Variants in GARNL3 observed in about 807,000 individuals in gnomAD.
The protein encoded by GARNL3 is GTPase activating Rap/RanGAP domain like 3.
In GARNL3, 63 loss-of-function variants were observed where a neutral mutation model predicts 125.0. The observed-to-expected ratio is 0.50, with a 90% CI of 0.41 to 0.62. The LOEUF is 0.62. Among genes scored for constraint, GARNL3 ranks in the 20% least tolerant of loss-of-function variants. The probability of loss-of-function intolerance (pLI) is 0.00; values close to 1 mark genes in which losing one functional copy is unlikely to be tolerated. For missense variants in GARNL3, 994 were observed against 1,244.0 expected (o/e 0.80, Z 3.02); for synonymous variants, 439 against 457.5 (o/e 0.96, Z 0.52).
chr9:127,247,032 G>C (rs1588680376), intron 2 of GARNL3, among the ~76,000 whole-genome samples: 1 of 151,374 alleles, frequency 6.6e-6, no homozygotes, highest in Non-Finnish European at 1.5e-5. Context: ...ACAAAGCAGG[G>C]ACACTCTTTC....
intron 2 of GARNL3, among the ~76,000 whole-genome samples, chr9:127,299,309 A>G (rs2064708798): frequency 2.9e-5 from 1 of 34,574 alleles, no homozygotes; most frequent in African/African-American, 3.6e-4. Flanking sequence ...CTCCGTCTCA[A>G]AAAAAAAAAA....
At chr9:127,344,413 C>A in intron 15 of GARNL3, 74 bp downstream of exon 15, 1 of 990,302 alleles carries the variant, frequency 1.0e-6, no homozygotes, top group Non-Finnish European at 1.6e-6. Context: ...GGCCCATGTG[C>A]AAAGACTTTG....
Position 127,331,720 on chromosome 9 carries a change from C to CTTTTTTTTTTTTTTTTTTTTTTTT in GARNL3, c.595-539_595-538insTTTTTTTTTTTTTTTTTTTTTTTT, listed in dbSNP as rs60448026. 8.3e-4 allele frequency among the ~76,000 whole-genome samples: 62 copies of CTTTTTTTTTTTTTTTTTTTTTTTT among 74,400 alleles called. 6 individuals are homozygous for CTTTTTTTTTTTTTTTTTTTTTTTT. The East Asian group carries it at 0.011, about 14-fold the overall frequency. 48.8% of individuals were successfully genotyped at this position (74,400 alleles called of 152,430 possible). ...CTACTGCTTGCTTGGCTTGGGCTTG[C>CTTTTTTTTTTTTTTTTTTTTTTTT]TTTTTTTTTTTTTTTCACATCTGTT... On this transcript the variant is annotated intron_variant, in intron 7 of 27. Transcript: ENST00000373387.
At chr9:127,370,264 A>G (rs1375319202) in intron 22 of GARNL3, among the ~76,000 whole-genome samples, 5 of 152,296 alleles carry the variant, frequency 3.3e-5, no homozygotes, top group East Asian at 1.9e-4. Flanking sequence ...CCTGCCCCGC[A>G]GCACAGGCCT....
chr9:127,326,321 G>T (rs1481730440), intron 7 of GARNL3, among the ~76,000 whole-genome samples: 1 of 152,152 alleles, frequency 6.6e-6, no homozygotes, highest in East Asian at 1.9e-4. Context: ...CTTTAATTTT[G>T]TGTTCCCAGA....
At chr9:127,313,615 C>T in intron 4 of GARNL3, 56 bp downstream of exon 4, 4 of 1,128,956 alleles carry the variant, frequency 3.5e-6, no homozygotes, top group South Asian at 2.5e-5. Flanking sequence ...CAGGAGATAA[C>T]CCCTGTGCTG....
chr9:127,281,409 C>T (rs935644971), intron 1 of GARNL3, among the ~76,000 whole-genome samples: 18 of 152,124 alleles, frequency 1.2e-4, no homozygotes, highest in African/African-American at 4.3e-4. Context: ...GAGTCCAGAT[C>T]CAGGGCCTTG....
At chr9:127,293,265 A>C (rs761807409) in intron 2 of GARNL3, among the ~76,000 whole-genome samples, 7 of 152,202 alleles carry the variant, frequency 4.6e-5, no homozygotes, top group Non-Finnish European at 7.3e-5. Flanking sequence ...AAAATTCTCA[A>C]ACCTCTGAAC....
intron 16 of GARNL3, among the ~76,000 whole-genome samples, chr9:127,347,115 C>T (rs985076405): frequency 2.6e-5 from 4 of 152,144 alleles, no homozygotes; most frequent in Admixed American, 2.0e-4. Flanking sequence ...GGACACCCTG[C>T]GTGCACCTGC....
intron 7 of GARNL3, among the ~76,000 whole-genome samples, chr9:127,327,149 T>C (rs1564143072): frequency 6.6e-6 from 1 of 152,254 alleles, no homozygotes. Context: ...CATTCATTCA[T>C]TGATTCAACA....
exon 2 of GARNL3, chr9:127,243,127 G>T (rs1194028443): frequency 7.3e-7 from 1 of 1,365,270 alleles, no homozygotes; most frequent in East Asian, 4.6e-5. Context: ...TAACGAAGGT[G>T]CCTTGTGGGA....
Position 127,280,697 on chromosome 9 carries a change from T to G in GARNL3, c.145-10471T>G, listed in dbSNP as rs898594594. Among the ~76,000 whole-genome samples, 1 of 152,258 alleles carries G rather than the reference T, an allele frequency of 6.6e-6. No individual in the cohort carries two copies. Among genetic ancestry groups the G allele is most frequent in the Non-Finnish European group, 1.5e-5 (1 of 68,050 alleles). On this transcript the variant is annotated intron_variant, in intron 1 of 27. Transcript: ENST00000373387. This position sits in a 1 kb window ranked among gnomAD's most constrained non-coding sequence, Gnocchi z 4.5. ...ATCATTTGTGGTGAATTTTCACAAG[T>G]CTTTTACTGGGAAATGGAGTATCAG...
chr9:127,348,566 T>C (rs1352670411), intron 16 of GARNL3, among the ~76,000 whole-genome samples: 1 of 152,206 alleles, frequency 6.6e-6, no homozygotes, highest in Admixed American at 6.5e-5. Context: ...GATGAACTAA[T>C]ATGAATTCTC....
Position 127,364,179 on chromosome 9 carries a change from G to A in GARNL3, c.2095-1121G>A, listed in dbSNP as rs1417845477. ...TCTGAGAACAAACGACATAGTCTAG[G>A]GGCTGCAGCCCTGGGGAGAATGTGT... is the stretch of plus-strand genomic sequence containing the variant. On this transcript the variant is annotated intron_variant, in intron 21 of 27. Coordinates refer to ENST00000373387, the MANE Select transcript of GARNL3 (RefSeq NM_032293.5). The surrounding 1 kb of genome is among the most constrained non-coding windows in gnomAD (Gnocchi z 4.2). 1 of 152,268 alleles carries A rather than the reference G, an allele frequency of 6.6e-6. No individual in the cohort carries two copies. The highest frequency in any genetic ancestry group is 2.4e-5 in the African/African-American group (1 of 41,458). The allele number at this position is 152,268 out of a possible 1,614,324, so 9.4% of individuals were successfully genotyped here.
chr9:127,380,603 G>A (rs1832196895), intron 22 of GARNL3, among the ~76,000 whole-genome samples: 1 of 152,140 alleles, frequency 6.6e-6, no homozygotes, highest in Non-Finnish European at 1.5e-5. Context: ...ATATTATTTG[G>A]CCATAAAAAG....
At chr9:127,304,482 C>A (rs1030634041) in intron 2 of GARNL3, among the ~76,000 whole-genome samples, 2 of 147,934 alleles carry the variant, frequency 1.4e-5, no homozygotes, top group Admixed American at 1.4e-4. Flanking sequence ...GAAATGAGTA[C>A]TTGTATCCAC....
At chr9:127,257,305 G>A (rs1444307250) in intron 2 of GARNL3, among the ~76,000 whole-genome samples, 1 of 152,164 alleles carries the variant, frequency 6.6e-6, no homozygotes, top group Non-Finnish European at 1.5e-5. Flanking sequence ...CAGTTGCTGG[G>A]TCACATGATA....
chr9:127,254,622 A>C (rs1025078451), intron 2 of GARNL3, among the ~76,000 whole-genome samples: 2 of 152,062 alleles, frequency 1.3e-5, no homozygotes, highest in African/African-American at 4.8e-5. Flanking sequence ...TACAAAAATT[A>C]ACCAGATGTG....
intron 21 of GARNL3, 28 bp from the exon 22 acceptor site, chr9:127,365,272 C>G: frequency 1.3e-6 from 2 of 1,592,126 alleles, no homozygotes; most frequent in Non-Finnish European, 1.7e-6. Flanking sequence ...TCCAGCCTGC[C>G]CACTACCGTT....
Sources: gnomAD v4.1 joint callset for allele counts (sites outside exome capture counted in the v4.1 genomes callset) on GRCh38, gnomAD v4.1.1 for gene constraint, Gnocchi (gnomAD v3.1) non-coding constraint, MANE v1.5 for transcripts, NCBI Gene and HGNC (gene_info 2026-07-23, HGNC 2026-07-21) for gene names.